Variants in DGKI observed in about 807,000 individuals in gnomAD.
DGKI encodes diacylglycerol kinase iota.
In DGKI, 55 loss-of-function variants were observed where a neutral mutation model predicts 147.5. The observed-to-expected ratio is 0.37, with a 90% confidence interval of 0.30 to 0.47. DGKI has a LOEUF of 0.47. DGKI is among the 20% of genes least tolerant of loss of function. The pLI is 1.00. For missense variants in DGKI, 1,007 were observed against 1,323.8 expected (o/e 0.76, Z 3.71); for synonymous variants, 469 against 477.1 (o/e 0.98, Z 0.22).
chr7:137,751,561 A>G (rs1405007765), intron 1 of DGKI, among the ~76,000 whole-genome samples: 1 of 152,256 alleles, frequency 6.6e-6, no homozygotes, highest in Admixed American at 6.5e-5. Flanking sequence ...TTGAGTATAG[A>G]TAATGACTCA....
At chr7:137,431,427 T>C (rs964624672) in intron 28 of DGKI, among the ~76,000 whole-genome samples, 9 of 152,142 alleles carry the variant, frequency 5.9e-5, no homozygotes, top group African/African-American at 1.9e-4. Context: ...TATTAAATAG[T>C]ATTTTGTTCC....
chr7:137,444,469 T>C (rs1813635440), intron 27 of DGKI, among the ~76,000 whole-genome samples: 2 of 152,202 alleles, frequency 1.3e-5, no homozygotes, highest in African/African-American at 2.4e-5. Flanking sequence ...AAAAAAAGCA[T>C]TAGATTGGGT....
At chr7:137,840,472 G>C (rs901289695) in intron 1 of DGKI, among the ~76,000 whole-genome samples, 1 of 152,220 alleles carries the variant, frequency 6.6e-6, no homozygotes, top group African/African-American at 2.4e-5. Flanking sequence ...GAAAATCAAT[G>C]CTGCCCCTTG....
intron 8 of DGKI, among the ~76,000 whole-genome samples, chr7:137,610,772 A>G (rs534435738): frequency 1.8e-4 from 27 of 152,178 alleles, no homozygotes; most frequent in Non-Finnish European, 3.2e-4. Context: ...TAAAGTACAT[A>G]TACTAAGTCA....
intron 1 of DGKI, among the ~76,000 whole-genome samples, chr7:137,810,049 T>C (rs1797515862): frequency 6.6e-6 from 1 of 152,220 alleles, no homozygotes; most frequent in East Asian, 1.9e-4. Flanking sequence ...TTCTGTTTGC[T>C]GAGTGTAGGC....
intron 20 of DGKI, among the ~76,000 whole-genome samples, chr7:137,528,482 C>A (rs115961465): frequency 0.01 from 1,545 of 152,294 alleles, 25 homozygotes; most frequent in African/African-American, 0.036. Context: ...CACTGCCCAA[C>A]ATGTTTTCCT....
chr7:137,577,867 G>A (rs539785143), intron 16 of DGKI, among the ~76,000 whole-genome samples: 114 of 152,316 alleles, frequency 7.5e-4, no homozygotes, highest in African/African-American at 2.7e-3. Flanking sequence ...TATTCTGCCA[G>A]TTTCTAATCC....
Position 137,521,935 on chromosome 7 carries a change from G to C in DGKI, c.2179C>G (p.Arg727Gly). 10 of 1,611,762 alleles carry C rather than the reference G, an allele frequency of 6.2e-6. No homozygotes were observed. The highest frequency in any genetic ancestry group is 7.6e-6 in the Non-Finnish European group (9 of 1,178,656). The change falls in exon 21 of 33, where the codon CGG becomes GGG. Residue 727 changes from arginine (R) to glycine (G), a missense_variant. By Grantham distance (125) the Arg-to-Gly change is moderately radical (BLOSUM62 -2). This residue lies in a region of DGKI where 385 missense variants were observed against 445.2 expected (regional missense o/e 0.86). Coordinates refer to ENST00000614521, the MANE Select transcript of DGKI (RefSeq NM_001321708.2). Reference sequence around the variant, plus strand: ...TCTTGTAAACTGATTTTGTTCACCCGGATCCTCAGACGATCTGGGACAGAC... The same window carrying C: ...TCTTGTAAACTGATTTTGTTCACCCCGATCCTCAGACGATCTGGGACAGAC... ...PQSVPDRLRI[R>G]VNKISLQDYE...
chr7:137,696,934 T>G (rs1267335714), intron 1 of DGKI, among the ~76,000 whole-genome samples: 1 of 152,040 alleles, frequency 6.6e-6, no homozygotes, highest in Non-Finnish European at 1.5e-5. Flanking sequence ...GACACACACA[T>G]AGGGAGAAAG....
At chr7:137,778,352 G>A (rs899158404) in intron 1 of DGKI, among the ~76,000 whole-genome samples, 1 of 152,134 alleles carries the variant, frequency 6.6e-6, no homozygotes, top group Non-Finnish European at 1.5e-5. Context: ...GATAAGTGAG[G>A]AGGAATCTAA....
At chr7:137,789,617 A>G (rs577597354) in intron 1 of DGKI, among the ~76,000 whole-genome samples, 1 of 151,042 alleles carries the variant, frequency 6.6e-6, no homozygotes, top group South Asian at 2.1e-4. Flanking sequence ...ATGAAGGAGG[A>G]AAAAAAAACA....
At chr7:137,574,263 T>C (rs754919134) in intron 17 of DGKI, among the ~76,000 whole-genome samples, 1 of 152,194 alleles carries the variant, frequency 6.6e-6, no homozygotes, top group African/African-American at 2.4e-5. Flanking sequence ...AACTTAGTAA[T>C]AAAATTCTAG....
chr7:137,613,502 C>T (rs1234945669), intron 8 of DGKI, among the ~76,000 whole-genome samples: 1 of 152,022 alleles, frequency 6.6e-6, no homozygotes, highest in African/African-American at 2.4e-5. Context: ...AATTTTGAGG[C>T]TAATTTACAG....
chr7:137,828,056 C>T (rs891528664), intron 1 of DGKI, among the ~76,000 whole-genome samples: 2 of 152,196 alleles, frequency 1.3e-5, no homozygotes, highest in Admixed American at 6.5e-5. Context: ...GCCCGCTGAC[C>T]GCCCGCTCTC....
At chr7:137,578,825 T>C (rs1405301180) in intron 15 of DGKI, among the ~76,000 whole-genome samples, 4 of 152,218 alleles carry the variant, frequency 2.6e-5, no homozygotes, top group Admixed American at 2.0e-4. Flanking sequence ...AAGCTATGTA[T>C]GCAGCTTCCA....
chr7:137,621,381 C>T (rs1411617665), intron 7 of DGKI, among the ~76,000 whole-genome samples: 1 of 152,126 alleles, frequency 6.6e-6, no homozygotes, highest in South Asian at 2.1e-4. Flanking sequence ...CTTAAGTAAT[C>T]TCCACTCTAG....
intron 6 of DGKI, among the ~76,000 whole-genome samples, chr7:137,628,429 T>C (rs533660937): frequency 6.6e-6 from 1 of 152,264 alleles, no homozygotes; most frequent in East Asian, 1.9e-4. Flanking sequence ...GAGACATAAA[T>C]AGAGCACATC....
At chr7:137,793,398 T>A (rs1431023259) in intron 1 of DGKI, among the ~76,000 whole-genome samples, 1 of 152,010 alleles carries the variant, frequency 6.6e-6, no homozygotes, top group African/African-American at 2.4e-5. Context: ...CCTCCCGGGT[T>A]CAAGCGAGTC....
At chr7:137,424,711 A>C (rs1248286640) in intron 28 of DGKI, among the ~76,000 whole-genome samples, 3 of 152,210 alleles carry the variant, frequency 2.0e-5, no homozygotes. Context: ...CAACGGGCTT[A>C]AAAAACGGCA....
Sources: gnomAD v4.1 joint callset for allele counts (sites outside exome capture counted in the v4.1 genomes callset) on GRCh38, gnomAD v4.1.1 for gene constraint, gnomAD v4.1.1 regional missense constraint, MANE v1.5 for transcripts, NCBI Gene and HGNC (gene_info 2026-07-23, HGNC 2026-07-21) for gene names.